Variants in ZDHHC18 observed in about 807,000 individuals in gnomAD.
The protein encoded by ZDHHC18 is zDHHC palmitoyltransferase 18, also known as palmitoyltransferase ZDHHC18.
ZDHHC18 carries 23 observed loss-of-function variants against 37.5 expected under a neutral mutation model. That is an observed-to-expected ratio of 0.61 (90% CI 0.44 to 0.87). ZDHHC18 has a LOEUF of 0.87. ZDHHC18 is among the 40% of genes least tolerant of loss of function. ZDHHC18 has a pLI of 0.00. For missense variants in ZDHHC18, 406 were observed against 525.6 expected (o/e 0.77, Z 2.22); for synonymous variants, 185 against 218.7 (o/e 0.85, Z 1.36).
intron 2 of ZDHHC18, among the ~76,000 whole-genome samples, chr1:26,838,895 T>C (rs1002046219): frequency 6.6e-6 from 1 of 152,252 alleles, no homozygotes; most frequent in Non-Finnish European, 1.5e-5. Flanking sequence ...GGGAGGGTTA[T>C]GGTGACCTAG....
chr1:26,856,065 T>C lies in ZDHHC18; in HGVS notation c.*2222T>C, dbSNP rs1346048087. On this transcript the variant is annotated 3_prime_UTR_variant, in exon 8 of 8. Coordinates refer to ENST00000374142, the MANE Select transcript of ZDHHC18 (RefSeq NM_032283.3). This position sits in a 1 kb window ranked among gnomAD's most constrained non-coding sequence, Gnocchi z 5.2. ...AATGAGTGCCCAGCTAAGAAAATGT[T>C]TGAGACAGTAGATTCCAGTTTGAGA... 1 of 381,778 alleles carries C rather than the reference T, an allele frequency of 2.6e-6. No individual in the cohort carries two copies. The highest frequency in any genetic ancestry group is 2.6e-5 in the Admixed American group (1 of 37,808). 23.6% of individuals were successfully genotyped at this position (381,778 alleles called of 1,614,324 possible).
At chr1:26,849,279 G>T (rs945227803) in intron 3 of ZDHHC18, among the ~76,000 whole-genome samples, 4 of 152,180 alleles carry the variant, frequency 2.6e-5, no homozygotes, top group Admixed American at 1.3e-4. Flanking sequence ...ACAGCTGCCT[G>T]CAGTGGTTGT....
Position 26,850,684 on chromosome 1 carries a change from A to G in ZDHHC18, c.833+78A>G. The G allele has an allele frequency of 6.6e-7, 1 of 1,510,216 alleles. No homozygotes were observed. The highest frequency in any genetic ancestry group is 9.2e-7 in the Non-Finnish European group (1 of 1,092,722). The allele number at this position is 1,510,216 out of a possible 1,614,324, so 93.6% of individuals were successfully genotyped here. Reference sequence around the variant, plus strand: ...GGGTGGGTGCCCTGCCTCATCCTCTAATCAGAAGGGAACAGCGTACAGCTC... The same window carrying G: ...GGGTGGGTGCCCTGCCTCATCCTCTGATCAGAAGGGAACAGCGTACAGCTC... On this transcript the variant is annotated intron_variant, in intron 5 of 7. Coordinates refer to ENST00000374142, the MANE Select transcript of ZDHHC18 (RefSeq NM_032283.3). This position sits in a 1 kb window ranked among gnomAD's most constrained non-coding sequence, Gnocchi z 6.1.
chr1:26,848,417 A>G (rs1436907802), intron 2 of ZDHHC18, among the ~76,000 whole-genome samples, 191 bp from the exon 3 acceptor site: 2 of 151,972 alleles, frequency 1.3e-5, no homozygotes, highest in African/African-American at 4.8e-5. Flanking sequence ...AGGCAGTCTC[A>G]GTACATGGTG....
intron 6 of ZDHHC18, 118 bp from the exon 7 acceptor site, chr1:26,852,635 G>A (rs1220241901): frequency 2.2e-5 from 17 of 783,186 alleles, no homozygotes; most frequent in Middle Eastern, 2.3e-4. Context: ...AAGACATGTC[G>A]CCTTCTGTAA....
chr1:26,826,758 G>C lies in ZDHHC18; in HGVS notation c.-47G>C. 1 of 933,234 alleles carries C rather than the reference G, an allele frequency of 1.1e-6. No homozygotes were observed. The highest frequency in any genetic ancestry group is 4.7e-5 in the South Asian group (1 of 21,134). The allele number at this position is 933,234 out of a possible 1,614,324, so 57.8% of individuals were successfully genotyped here. A position where few individuals can be genotyped will look rare whatever the true frequency, so the allele number is the denominator to read the frequency against. On this transcript the variant is annotated 5_prime_UTR_variant, in exon 1 of 8. Transcript: ENST00000374142. This position sits in a 1 kb window ranked among gnomAD's most constrained non-coding sequence, Gnocchi z 5.2. ...CGCTGCTCGGCCCGGTCCCGGAGTG[G>C]CCCGGCCGGCCCGCGGGGCGCGGAG...
At chr1:26,836,983 T>G (rs1288789208) in intron 2 of ZDHHC18, among the ~76,000 whole-genome samples, 1 of 146,842 alleles carries the variant, frequency 6.8e-6, no homozygotes, top group East Asian at 2.0e-4. Flanking sequence ...GCGCAGTGGC[T>G]CATGCCTGTA....
At chr1:26,827,173 C>T in intron 1 of ZDHHC18, 34 bp downstream of exon 1, 1 of 1,330,454 alleles carries the variant, frequency 7.5e-7, no homozygotes, top group Admixed American at 3.8e-5. Context: ...CCCTCCCAGC[C>T]CCCTGCCGCG....
intron 7 of ZDHHC18, 60 bp from the exon 8 acceptor site, chr1:26,853,666 C>A: frequency 6.6e-7 from 1 of 1,521,212 alleles, no homozygotes; most frequent in South Asian, 1.1e-5. Flanking sequence ...CCGTCCAACC[C>A]CTGGCCTAGA....
intron 2 of ZDHHC18, among the ~76,000 whole-genome samples, chr1:26,846,866 C>T (rs1195392737): frequency 1.3e-5 from 2 of 151,814 alleles, no homozygotes; most frequent in East Asian, 3.9e-4. Context: ...ATCACAATTC[C>T]ATTATCATAC....
intron 2 of ZDHHC18, among the ~76,000 whole-genome samples, chr1:26,838,911 G>A (rs1297869320): frequency 1.3e-5 from 2 of 152,262 alleles, no homozygotes; most frequent in African/African-American, 4.8e-5. Flanking sequence ...CCTAGCACTC[G>A]AGGCCTGGGA....
chr1:26,839,150 C>T (rs539153722), intron 2 of ZDHHC18, among the ~76,000 whole-genome samples: 32 of 152,356 alleles, frequency 2.1e-4, no homozygotes, highest in African/African-American at 7.0e-4. Context: ...CCTTTGCCCT[C>T]ACAGCCATTC....
At chr1:26,828,751 G>GAAGCTCTGGGGGGCCCAGAGCT (rs1368187670) in intron 1 of ZDHHC18, among the ~76,000 whole-genome samples, 7 of 150,748 alleles carry the variant, frequency 4.6e-5, no homozygotes, top group South Asian at 4.2e-4. Flanking sequence ...TTTACAAGCA[G>GAAGCTCTGGGGGGCCCAGAGCT]AAGCTCTGGG....
At position 26,854,054 on chromosome 1, in the gene ZDHHC18, A is replaced by G; in HGVS notation, c.*211A>G. On this transcript the variant is annotated 3_prime_UTR_variant, in exon 8 of 8. Transcript: ENST00000374142. The surrounding 1 kb of genome is among the most constrained non-coding windows in gnomAD (Gnocchi z 4.6). Reference sequence around the variant, plus strand: ...GTTCCCACAGCCTTGGGCCCTAGGTACCCCAGCTGATCAGTGCCAGGAGAG... The same window carrying G: ...GTTCCCACAGCCTTGGGCCCTAGGTGCCCCAGCTGATCAGTGCCAGGAGAG... 1.7e-6 allele frequency: 1 copy of G among 579,370 alleles called. No individual in the cohort carries two copies. 35.9% of individuals were successfully genotyped at this position (579,370 alleles called of 1,614,324 possible).
At chr1:26,841,197 A>T (rs1198025608) in intron 2 of ZDHHC18, among the ~76,000 whole-genome samples, 1 of 152,064 alleles carries the variant, frequency 6.6e-6, no homozygotes, top group Non-Finnish European at 1.5e-5. Flanking sequence ...CTGGTCTCGA[A>T]CTCCTGACCT....
intron 2 of ZDHHC18, among the ~76,000 whole-genome samples, chr1:26,834,733 G>A (rs1436368103): frequency 6.6e-6 from 1 of 152,220 alleles, no homozygotes; most frequent in South Asian, 2.1e-4. Flanking sequence ...GTGAGCTTCT[G>A]TGAAGGCCCT....
Position 26,853,948 on chromosome 1 carries a change from A to G in ZDHHC18, c.*105A>G, listed in dbSNP as rs1428227171. 18 of 1,003,614 alleles carry G rather than the reference A, an allele frequency of 1.8e-5. No individual in the cohort carries two copies. The highest frequency in any genetic ancestry group is 2.6e-5 in the Non-Finnish European group (17 of 657,486). The allele number at this position is 1,003,614 out of a possible 1,614,324, so 62.2% of individuals were successfully genotyped here. ...GGGAAGCAGAACTGCCAAAGACTCA[A>G]GTCTTTTCATATTTATTTCCCATCC... On this transcript the variant is annotated 3_prime_UTR_variant, in exon 8 of 8. Coordinates refer to ENST00000374142, the MANE Select transcript of ZDHHC18 (RefSeq NM_032283.3).
At chr1:26,834,359 C>T (rs558826061) in intron 2 of ZDHHC18, among the ~76,000 whole-genome samples, 10 of 152,324 alleles carry the variant, frequency 6.6e-5, no homozygotes, top group African/African-American at 1.7e-4. Flanking sequence ...GATGGAGAAA[C>T]GGAGGCAGGT....
At position 26,853,797 on chromosome 1, in the gene ZDHHC18, C is replaced by A. The variant is rs1406075732; in HGVS notation, c.1121C>A (p.Ala374Asp). 6.2e-7 allele frequency: 1 copy of A among 1,613,974 alleles called. No homozygotes were observed. Among genetic ancestry groups the A allele is most frequent in the African/African-American group, 1.3e-5 (1 of 74,918 alleles). ...LPSPIRSDEP[A>D]CRAKPDASMV... ...TCACCCATCAGAAGCGATGAGCCAG[C>A]CTGCAGAGCCAAGCCTGATGCCAGC... The change falls in exon 8 of 8, where the codon GCC (alanine) becomes GAC (aspartate). Residue 374 changes from alanine to aspartate, a missense_variant. Transcript: ENST00000374142.
Sources: allele counts gnomAD v4.1 joint callset (sites outside exome capture counted in the v4.1 genomes callset), GRCh38; gene constraint gnomAD v4.1.1; non-coding constraint Gnocchi (gnomAD v3.1); transcripts MANE v1.5; gene names NCBI Gene and HGNC (gene_info 2026-07-23, HGNC 2026-07-21).